The following AHI1 variants were observed in gnomAD, a reference collection of about 807,000 sequenced individuals.
AHI1 encodes jouberin.
A neutral mutation model predicts 149.3 loss-of-function variants in AHI1; 123 were observed. The ratio of observed to expected loss-of-function variants is 0.82; its 90% CI spans 0.71 to 0.96. The LOEUF (loss-of-function observed/expected upper bound fraction) is 0.96. AHI1 is among the 40% of genes least tolerant of loss of function. The probability of loss-of-function intolerance (pLI) is 0.00; values close to 1 mark genes in which losing one functional copy is unlikely to be tolerated. For synonymous variants in AHI1, 475 were observed against 459.8 expected (o/e 1.03, Z -0.42); for missense variants, 1,439 against 1,422.7 (o/e 1.01, Z -0.18).
At chr6:135,493,691 C>T (rs1431488309) in intron 3 of AHI1, among the ~76,000 whole-genome samples, 2 of 152,144 alleles carry the variant, frequency 1.3e-5, no homozygotes, top group Non-Finnish European at 2.9e-5. Flanking sequence ...ATTTATACTA[C>T]TCGATGGTCA....
At chr6:135,383,902 C>T (rs895288421) in intron 23 of AHI1, among the ~76,000 whole-genome samples, 2 of 152,180 alleles carry the variant, frequency 1.3e-5, no homozygotes, top group Non-Finnish European at 2.9e-5. Flanking sequence ...TCACCTGTTG[C>T]AGCCATATGG....
chr6:135,450,895 A>G (rs1022505135), intron 11 of AHI1, among the ~76,000 whole-genome samples: 1 of 152,224 alleles, frequency 6.6e-6, no homozygotes, highest in Admixed American at 6.5e-5. Flanking sequence ...GAATTAGGAT[A>G]AAGTCTCATT....
chr6:135,320,699 C>T (rs1786685374), intron 25 of AHI1, among the ~76,000 whole-genome samples: 1 of 152,088 alleles, frequency 6.6e-6, no homozygotes, highest in Non-Finnish European at 1.5e-5. Flanking sequence ...GCACTTAATC[C>T]CACCCTGCCT....
intron 24 of AHI1, among the ~76,000 whole-genome samples, chr6:135,350,419 C>T (rs1309232690): frequency 2.6e-5 from 4 of 152,090 alleles, no homozygotes; most frequent in African/African-American, 7.2e-5. Flanking sequence ...ACATCTAGGC[C>T]GGCTCTCTGT....
At chr6:135,307,516 G>A (rs944587598) in intron 26 of AHI1, among the ~76,000 whole-genome samples, 3 of 151,828 alleles carry the variant, frequency 2.0e-5, no homozygotes, top group Non-Finnish European at 4.4e-5. Context: ...TTTTTAAGTA[G>A]GGTAGTCTAC....
chr6:135,434,588 T>A, intron 15 of AHI1, among the ~76,000 whole-genome samples: 1 of 151,804 alleles, frequency 6.6e-6, no homozygotes. Flanking sequence ...AGACATAATA[T>A]TAAAAAAATA....
At chr6:135,449,876 CA>C (rs1787832590) in intron 11 of AHI1, among the ~76,000 whole-genome samples, 1 of 152,176 alleles carries the variant, frequency 6.6e-6, no homozygotes, top group Non-Finnish European at 1.5e-5. Context: ...TGAATTCAAA[CA>C]GCCATGTGAC....
intron 5 of AHI1, among the ~76,000 whole-genome samples, chr6:135,468,647 TA>T (rs1791199536): frequency 6.6e-6 from 1 of 151,760 alleles, no homozygotes; most frequent in African/African-American, 2.4e-5. Context: ...ATAGACACAA[TA>T]AAAAATGATA....
At chr6:135,401,700 AC>A (rs1306584570) in intron 22 of AHI1, among the ~76,000 whole-genome samples, 1 of 152,242 alleles carries the variant, frequency 6.6e-6, no homozygotes, top group Non-Finnish European at 1.5e-5. Flanking sequence ...CAAAATAATC[AC>A]AGACCTGAAT....
At chr6:135,315,639 CAACTGT>C (rs1785833819) in intron 26 of AHI1, among the ~76,000 whole-genome samples, 1 of 152,060 alleles carries the variant, frequency 6.6e-6, no homozygotes, top group Admixed American at 6.6e-5. Context: ...AGAAAAAATC[CAACTGT>C]AGATTTATGC....
intron 24 of AHI1, among the ~76,000 whole-genome samples, chr6:135,353,621 G>A (rs1221840594): frequency 6.6e-6 from 1 of 151,916 alleles, no homozygotes; most frequent in East Asian, 1.9e-4. Context: ...GCTAAACAAT[G>A]ATAACAATCT....
chr6:135,481,866 G>C (rs1454726182), intron 5 of AHI1, among the ~76,000 whole-genome samples: 1 of 149,680 alleles, frequency 6.7e-6, no homozygotes, highest in Admixed American at 6.6e-5. Context: ...GAGAATTTTA[G>C]GTTGACAATT....
chr6:135,365,233 G>A (rs1311735510), intron 23 of AHI1, among the ~76,000 whole-genome samples: 1 of 152,138 alleles, frequency 6.6e-6, no homozygotes, highest in Non-Finnish European at 1.5e-5. Context: ...GTTTGAAGTT[G>A]GGTAATGTGA....
chr6:135,323,392 C>T (rs1787174532), intron 24 of AHI1, 68 bp from the exon 25 acceptor site: 4 of 1,522,726 alleles, frequency 2.6e-6, no homozygotes, highest in Non-Finnish European at 3.6e-6. Context: ...CCAACATTCA[C>T]TTCCTCTTGC....
chr6:135,411,420 A>G lies in AHI1; in HGVS notation c.2889T>C (p.Ile963=), dbSNP rs761626110. The G allele has an allele frequency of 6.2e-7, 1 of 1,613,868 alleles. No homozygotes were observed. The highest frequency in any genetic ancestry group is 8.5e-7 in the Non-Finnish European group (1 of 1,179,786). ...AACTTTCAGTGTGGACAAATTCATC[A>G]ATCTGAAAAGAGCCTTGATGGGGTA... is the stretch of plus-strand genomic sequence containing the variant. ...PKLPHQGSFQ[I]DEFVHTESSS... Residue 963 remains isoleucine (I), a synonymous_variant, in exon 21 of 29, where the codon ATT becomes ATC. Coordinates refer to ENST00000265602, the MANE Select transcript of AHI1 (RefSeq NM_001134831.2).
At chr6:135,311,892 C>T (rs1785257909) in intron 26 of AHI1, among the ~76,000 whole-genome samples, 1 of 152,168 alleles carries the variant, frequency 6.6e-6, no homozygotes, top group Non-Finnish European at 1.5e-5. Context: ...GGATGATTAA[C>T]TCATCTCGTC....
At chr6:135,419,557 TAG>T (rs1353530182) in intron 20 of AHI1, among the ~76,000 whole-genome samples, 3 of 152,180 alleles carry the variant, frequency 2.0e-5, no homozygotes, top group African/African-American at 7.2e-5. Context: ...CACTATATTG[TAG>T]TCTATTAAGT....
intron 5 of AHI1, among the ~76,000 whole-genome samples, chr6:135,477,659 C>T (rs926311813): frequency 4.5e-4 from 69 of 151,986 alleles, no homozygotes; most frequent in African/African-American, 1.6e-3. Flanking sequence ...TCCTCCTTCG[C>T]ACTCTCTCTC....
intron 20 of AHI1, among the ~76,000 whole-genome samples, chr6:135,422,902 T>C (rs1783411113): frequency 6.6e-6 from 1 of 151,980 alleles, no homozygotes; most frequent in Admixed American, 6.6e-5. Context: ...CATTTTACCA[T>C]AGGAATATTT....
Sources: allele counts gnomAD v4.1 joint callset (sites outside exome capture counted in the v4.1 genomes callset), GRCh38; gene constraint gnomAD v4.1.1; transcripts MANE v1.5; gene names NCBI Gene and HGNC (gene_info 2026-07-23, HGNC 2026-07-21).